The following RCL1 variants were observed in gnomAD, a reference collection of about 807,000 sequenced individuals.
RCL1 encodes RNA terminal phosphate cyclase like 1.
RCL1 carries 24 observed loss-of-function variants against 42.4 expected under a neutral mutation model. The ratio of observed to expected loss-of-function variants is 0.57; its 90% confidence interval spans 0.41 to 0.80. RCL1 has a LOEUF of 0.80. RCL1 is among the 30% of genes least tolerant of loss of function. The pLI is 0.00. For missense variants in RCL1, 578 were observed against 467.9 expected, an observed-to-expected ratio of 1.24 and a Z score of -2.17; for synonymous variants, 228 against 177.3, an observed-to-expected ratio of 1.29 and a Z score of -2.27.
At chr9:4,841,969 A>G (rs971686047) in intron 6 of RCL1, among the ~76,000 whole-genome samples, 1 of 152,254 alleles carries the variant, frequency 6.6e-6, no homozygotes, top group Non-Finnish European at 1.5e-5. Context: ...AGGAAGTTAG[A>G]GAAGCAATTA....
rs1033914284 is a variant in RCL1, at chr9:4,823,493, C to G, written c.137-55C>G. 20 of 1,385,676 alleles carry G rather than the reference C, an allele frequency of 1.4e-5. No individual in the cohort carries two copies. In the Admixed American group the frequency reaches 3.5e-4, roughly 24 times the overall value. The allele number at this position is 1,385,676 out of a possible 1,614,324, so 85.8% of individuals were successfully genotyped here. On this transcript the variant is annotated intron_variant, in intron 1 of 8. Coordinates refer to ENST00000381750, the MANE Select transcript of RCL1 (RefSeq NM_005772.5). ...AGGCATGTGCTCTGGAAATGTTGAC[C>G]TGACATGAGGACAGTCTGTCTTCTC... is the stretch of plus-strand genomic sequence containing the variant.
At chr9:4,823,769 A>T in intron 2 of RCL1, 150 bp downstream of exon 2, 1 of 581,098 alleles carries the variant, frequency 1.7e-6, no homozygotes, top group Non-Finnish European at 3.0e-6. Flanking sequence ...TTAAAGCTTT[A>T]CTAATCACTT....
At chr9:4,810,057 T>G (rs1385061844) in intron 1 of RCL1, among the ~76,000 whole-genome samples, 1 of 152,208 alleles carries the variant, frequency 6.6e-6, no homozygotes, top group African/African-American at 2.4e-5. Context: ...CCTCAAGTGA[T>G]CCTCAAGTGA....
chr9:4,857,793 T>C (rs1818013460), intron 8 of RCL1, among the ~76,000 whole-genome samples: 1 of 152,190 alleles, frequency 6.6e-6, no homozygotes, highest in Admixed American at 6.5e-5. Flanking sequence ...TATGTCTTTT[T>C]ATTATAGCCA....
chr9:4,817,425 A>T (rs377200969), intron 1 of RCL1, among the ~76,000 whole-genome samples: 1 of 148,162 alleles, frequency 6.7e-6, no homozygotes, highest in African/African-American at 2.5e-5. Flanking sequence ...AAAGTGGTCG[A>T]TTTATGTTGT....
Position 4,840,076 on chromosome 9 carries a change from A to G in RCL1, c.585-1156A>G, listed in dbSNP as rs182215930. ...GATATGGGAGGACCAGGAGCCACCG[A>G]GAGACTGTCACCAGCATGAGGAAGA... On this transcript the variant is annotated intron_variant, in intron 5 of 8. Transcript: ENST00000381750. Among the ~76,000 whole-genome samples, 620 of 152,190 alleles carry G rather than the reference A, an allele frequency of 4.1e-3. 8 individuals are homozygous for G. The highest frequency in any genetic ancestry group is 0.015 in the African/African-American group (604 of 41,514).
chr9:4,828,140 C>T (rs182580696), intron 3 of RCL1, among the ~76,000 whole-genome samples: 7 of 132,108 alleles, frequency 5.3e-5, no homozygotes, highest in South Asian at 2.4e-4. Context: ...GAGCCGAGAT[C>T]GGGCAACAGA....
At chr9:4,832,127 T>C (rs775560695) in intron 3 of RCL1, among the ~76,000 whole-genome samples, 9 of 152,244 alleles carry the variant, frequency 5.9e-5, no homozygotes, top group Non-Finnish European at 7.3e-5. Context: ...GAATGCCATC[T>C]TTCTACTCTT....
At position 4,809,797 on chromosome 9, in the gene RCL1, A is replaced by G. The variant is rs1816108942; in HGVS notation, c.137-13751A>G. Among the ~76,000 whole-genome samples the G allele has an allele frequency of 2.6e-5, 4 of 151,554 alleles. No homozygotes were observed. In the South Asian group the frequency reaches 8.3e-4, roughly 32 times the overall value. On this transcript the variant is annotated intron_variant, in intron 1 of 8. Coordinates refer to ENST00000381750, the MANE Select transcript of RCL1 (RefSeq NM_005772.5). ...GCTTTTCTGTGTCATGAAGTTAGAGACATGATTGGGTTTTTTCTTTGCTTT... is the reference window on the plus strand; with the variant it reads ...GCTTTTCTGTGTCATGAAGTTAGAGGCATGATTGGGTTTTTTCTTTGCTTT...
chr9:4,856,792 C>T (rs1159003764), intron 8 of RCL1, among the ~76,000 whole-genome samples: 4 of 152,180 alleles, frequency 2.6e-5, no homozygotes, highest in Non-Finnish European at 5.9e-5. Flanking sequence ...CTATGAGCAT[C>T]CAGCACTGAC....
chr9:4,826,271 A>C (rs1412168539), intron 2 of RCL1, among the ~76,000 whole-genome samples: 1 of 152,054 alleles, frequency 6.6e-6, no homozygotes, highest in Non-Finnish European at 1.5e-5. Flanking sequence ...TTTTTGAATG[A>C]TACGATTATG....
intron 1 of RCL1, among the ~76,000 whole-genome samples, chr9:4,815,302 A>G (rs1172103327): frequency 6.6e-6 from 1 of 151,966 alleles, no homozygotes; most frequent in Non-Finnish European, 1.5e-5. Flanking sequence ...TTTCATTTTC[A>G]TTCTCATTTC....
At chr9:4,849,250 C>G (rs1176018342) in intron 7 of RCL1, among the ~76,000 whole-genome samples, 197 bp from the exon 8 acceptor site, 1 of 151,298 alleles carries the variant, frequency 6.6e-6, no homozygotes, top group Non-Finnish European at 1.5e-5. Context: ...ATTACAGTTG[C>G]TCTAATTAAC....
chr9:4,849,320 C>A, intron 7 of RCL1, 127 bp from the exon 8 acceptor site: 1 of 674,268 alleles, frequency 1.5e-6, no homozygotes, highest in Non-Finnish European at 2.6e-6. Context: ...GACCTGTATT[C>A]TGTTTTATTG....
Position 4,834,224 on chromosome 9 carries a change from A to G in RCL1, c.543A>G (p.Gln181=), listed in dbSNP as rs776575779. 6.2e-7 allele frequency: 1 copy of G among 1,613,452 alleles called. No homozygotes were observed. The highest frequency in any genetic ancestry group is 1.3e-5 in the African/African-American group (1 of 74,876). ...TGAGGAAGGTCTTGAAGCCCATTCA[A>G]CTCACAGATCCAGGAAAAATCAAAC... ...CPVRKVLKPI[Q]LTDPGKIKRI... is the part of the protein sequence containing the mutation. Residue 181 remains glutamine, a synonymous_variant, in exon 5 of 9, where the codon CAA becomes CAG. Transcript: ENST00000381750.
At chr9:4,831,271 A>G (rs759642011) in intron 3 of RCL1, among the ~76,000 whole-genome samples, 12 of 150,784 alleles carry the variant, frequency 8.0e-5, no homozygotes, top group East Asian at 1.9e-4. Flanking sequence ...GACTCAAGGT[A>G]TAGGAAGGAT....
chr9:4,836,053 T>G (rs942065813), intron 5 of RCL1, among the ~76,000 whole-genome samples: 7 of 151,978 alleles, frequency 4.6e-5, no homozygotes, highest in African/African-American at 1.7e-4. Context: ...CGGGGTAGGA[T>G]AAGAGAGTGT....
intron 1 of RCL1, among the ~76,000 whole-genome samples, chr9:4,801,285 T>C (rs1342105574): frequency 6.6e-6 from 1 of 152,062 alleles, no homozygotes; most frequent in Non-Finnish European, 1.5e-5. Flanking sequence ...AAATCTTTCA[T>C]CTCAGCCTCC....
chr9:4,849,603 G>T (rs1469735196), intron 8 of RCL1, 53 bp downstream of exon 8: 1 of 1,346,760 alleles, frequency 7.4e-7, no homozygotes, highest in East Asian at 2.3e-5. Context: ...TTTTCTCATT[G>T]CCCAAAATGA....
Sources: allele counts gnomAD v4.1 joint callset (sites outside exome capture counted in the v4.1 genomes callset), GRCh38; gene constraint gnomAD v4.1.1; transcripts MANE v1.5; gene names NCBI Gene and HGNC (gene_info 2026-07-23, HGNC 2026-07-21).